Variants in PASD1 observed in about 807,000 individuals in gnomAD.
The protein encoded by PASD1 is PAS domain containing repressor 1, also known as circadian clock protein PASD1.
A neutral mutation model predicts 58.8 loss-of-function variants in PASD1; 13 were observed. The ratio of observed to expected loss-of-function variants is 0.22; its 90% CI spans 0.14 to 0.35. PASD1 has a LOEUF of 0.35. Among genes scored for constraint, PASD1 ranks in the 10% least tolerant of loss-of-function variants. The pLI, the probability that PASD1 is intolerant of heterozygous loss-of-function variation, is 1.00. For synonymous variants in PASD1, 236 were observed against 216.7 expected, an observed-to-expected ratio of 1.09 and a Z score of -0.78; for missense variants, 734 against 568.3, an observed-to-expected ratio of 1.29 and a Z score of -2.96.
intron 4 of PASD1, among the ~76,000 whole-genome samples, chrX:151,614,899 T>TA (rs1304309933): frequency 8.9e-6 from 1 of 112,019 alleles, no homozygotes; most frequent in African/African-American, 3.2e-5. Context: ...TTTCATTTTT[T>TA]AAAAAAACAG....
chrX:151,638,964 A>T (rs2013965608), intron 8 of PASD1, among the ~76,000 whole-genome samples: 1 of 111,890 alleles, frequency 8.9e-6, no homozygotes, highest in African/African-American at 3.2e-5. Context: ...CCTGCTCAAA[A>T]ACTTTCGGTG....
At chrX:151,584,373 G>A (rs768434742) in intron 1 of PASD1, among the ~76,000 whole-genome samples, 3 of 111,856 alleles carry the variant, frequency 2.7e-5, no homozygotes, top group African/African-American at 9.8e-5. Flanking sequence ...CTTACAATTC[G>A]TGTTTGTCAC....
intron 10 of PASD1, among the ~76,000 whole-genome samples, chrX:151,663,061 T>C (rs1325358694): frequency 8.9e-6 from 1 of 112,245 alleles, no homozygotes; most frequent in East Asian, 2.8e-4. Context: ...CAATTTCTTT[T>C]CAATTTTATA....
chrX:151,585,106 G>A (rs1471629829), intron 1 of PASD1, among the ~76,000 whole-genome samples: 3 of 111,831 alleles, frequency 2.7e-5, no homozygotes, highest in African/African-American at 9.8e-5. Context: ...GGAAGAATAA[G>A]AAAAATGCAC....
At chrX:151,607,995 G>A (rs12832337) in intron 3 of PASD1, among the ~76,000 whole-genome samples, 42,391 of 110,225 alleles carry the variant, frequency 0.38, 6,201 homozygotes, top group African/African-American at 0.44. Flanking sequence ...TGGTTTGAAC[G>A]TTTTTGTTCA....
At chrX:151,641,263 A>G (rs1354961555) in intron 8 of PASD1, among the ~76,000 whole-genome samples, 1 of 111,101 alleles carries the variant, frequency 9.0e-6, no homozygotes, top group Non-Finnish European at 1.9e-5. Context: ...GAGAGTGCTG[A>G]TTTCTATGAA....
At chrX:151,622,835 T>C in intron 6 of PASD1, 102 bp from the exon 7 acceptor site, 1 of 900,920 alleles carries the variant, frequency 1.1e-6, no homozygotes, top group African/African-American at 2.0e-5. Flanking sequence ...ATTTTGAAAA[T>C]TGTCAATGGG....
At chrX:151,622,814 C>A in intron 6 of PASD1, 123 bp from the exon 7 acceptor site, 1 of 749,401 alleles carries the variant, frequency 1.3e-6, no homozygotes, top group Non-Finnish European at 1.9e-6. Context: ...GGAAAAATCC[C>A]ATGGCTCAGA....
At chrX:151,628,629 C>T (rs2013825401) in intron 8 of PASD1, among the ~76,000 whole-genome samples, 2 of 111,686 alleles carry the variant, frequency 1.8e-5, no homozygotes, top group Admixed American at 1.9e-4. Flanking sequence ...TAGCATGATG[C>T]CTCCAGCTTT....
At chrX:151,613,198 C>T (rs1354025655) in intron 4 of PASD1, among the ~76,000 whole-genome samples, 2 of 111,373 alleles carry the variant, frequency 1.8e-5, no homozygotes, top group Non-Finnish European at 3.8e-5. Context: ...GGTACCAGTA[C>T]CATGCTGTTT....
chrX:151,625,449 A>G lies in PASD1; in HGVS notation c.548A>G (p.Gln183Arg), dbSNP rs2013771017. The G allele has an allele frequency of 8.3e-7, 1 of 1,200,329 alleles. No individual in the cohort carries two copies. The highest frequency in any genetic ancestry group is 1.1e-6 in the Non-Finnish European group (1 of 890,143). Reference sequence around the variant, plus strand: ...CTAAATATTTGAATTTTTCTGCAGCAACTTTACACTTCAAAGGCAGTCAGT... The same window carrying G: ...CTAAATATTTGAATTTTTCTGCAGCGACTTTACACTTCAAAGGCAGTCAGT... ...VCILRTQLLQ[Q>R]LYTSKAVSDE... Residue 183 changes from glutamine (Q) to arginine (R), a missense_variant and splice_region_variant, in exon 8 of 16, where the codon CAA becomes CGA. Physicochemically the swap from Gln to Arg is conservative, Grantham distance 43 (BLOSUM62 1). Transcript: ENST00000370357.
intron 1 of PASD1, among the ~76,000 whole-genome samples, chrX:151,573,644 A>G (rs1342982264): frequency 8.9e-6 from 1 of 112,590 alleles, no homozygotes; most frequent in East Asian, 2.8e-4. Context: ...CTTTGGGGGA[A>G]GTGCTTTGAA....
At chrX:151,594,858 T>C (rs1422511984) in intron 1 of PASD1, among the ~76,000 whole-genome samples, 1 of 111,381 alleles carries the variant, frequency 9.0e-6, no homozygotes, top group Non-Finnish European at 1.9e-5. Context: ...TTTCAGATTT[T>C]GTTCACCTGA....
At chrX:151,581,461 G>T (rs2124231165) in intron 1 of PASD1, among the ~76,000 whole-genome samples, 1 of 108,947 alleles carries the variant, frequency 9.2e-6, no homozygotes, top group South Asian at 4.1e-4. Flanking sequence ...ATGGTGGCAT[G>T]CACCTGTAGG....
At chrX:151,654,089 C>T (rs1356583732) in intron 9 of PASD1, among the ~76,000 whole-genome samples, 1 of 103,502 alleles carries the variant, frequency 9.7e-6, no homozygotes, top group African/African-American at 3.5e-5. Context: ...CCCAACTCAG[C>T]CTCCCAAGTA....
intron 2 of PASD1, among the ~76,000 whole-genome samples, chrX:151,603,056 G>A (rs2013440461): frequency 8.9e-6 from 1 of 112,307 alleles, no homozygotes; most frequent in Non-Finnish European, 1.9e-5. Context: ...CCGATCTTAC[G>A]AATTATTGTA....
At chrX:151,586,812 G>T (rs1302325580) in intron 1 of PASD1, among the ~76,000 whole-genome samples, 2 of 111,360 alleles carry the variant, frequency 1.8e-5, no homozygotes, top group Non-Finnish European at 3.8e-5. Context: ...CTTCTAGTTC[G>T]GTATTGATTA....
At chrX:151,583,223 A>C (rs1403637315) in intron 1 of PASD1, among the ~76,000 whole-genome samples, 1 of 112,321 alleles carries the variant, frequency 8.9e-6, no homozygotes, top group Non-Finnish European at 1.9e-5. Flanking sequence ...GTTAGCAAAA[A>C]TATTTGGAAC....
At chrX:151,572,880 TAATTAACTA>T (rs1241718247) in intron 1 of PASD1, among the ~76,000 whole-genome samples, 1 of 106,665 alleles carries the variant, frequency 9.4e-6, no homozygotes, top group Non-Finnish European at 1.9e-5. Context: ...AAAAGAGATT[TAATTAACTA>T]ACAGTTCTTT....
Sources: gnomAD v4.1 joint callset for allele counts (sites outside exome capture counted in the v4.1 genomes callset) on GRCh38, gnomAD v4.1.1 for gene constraint, MANE v1.5 for transcripts, NCBI Gene and HGNC (gene_info 2026-07-23, HGNC 2026-07-21) for gene names.